The following ZBTB7A variants were observed in gnomAD, a reference collection of about 807,000 sequenced individuals.
ZBTB7A encodes zinc finger and BTB domain-containing protein 7A.
Under a neutral mutation model 26.7 loss-of-function variants are expected in ZBTB7A, and 7 were observed. That is an observed-to-expected ratio of 0.26 (90% confidence interval 0.15 to 0.49). ZBTB7A has a LOEUF of 0.49. Ranked by LOEUF, ZBTB7A falls within the 20% of genes least tolerant of loss-of-function variation. The probability of loss-of-function intolerance (pLI) is 0.98; values close to 1 mark genes in which losing one functional copy is unlikely to be tolerated. For synonymous variants in ZBTB7A, 452 were observed against 441.0 expected, an observed-to-expected ratio of 1.02 and a Z score of -0.31; for missense variants, 617 against 919.5, an observed-to-expected ratio of 0.67 and a Z score of 4.25.
In ZBTB7A at chr19:4,057,475, G is replaced by A. The variant is rs183241968; in HGVS notation, c.-15-2228C>T. The stretch of plus-strand genomic sequence containing the variant: ...GGGCTTCGGCCGATACAGAGGGGAG[G>A]CCACGCAGTGACCTTTACAAAACAC... On this transcript the variant is annotated intron_variant, in intron 1 of 2. Transcript: ENST00000322357. 6.5e-4 allele frequency among the ~76,000 whole-genome samples: 99 copies of A among 152,242 alleles called. 2 individuals carry two copies. The East Asian group carries it at 0.013, about 19-fold the overall frequency.
intron 1 of ZBTB7A, 40 bp from the exon 2 acceptor site, chr19:4,055,287 G>A (rs1371514734): frequency 1.4e-6 from 2 of 1,436,512 alleles, no homozygotes; most frequent in Non-Finnish European, 1.8e-6. Context: ...GTGAGTGGGG[G>A]TGCGGGGGTT....
At chr19:4,057,538 C>T (rs2040593323) in intron 1 of ZBTB7A, among the ~76,000 whole-genome samples, 2 of 151,968 alleles carry the variant, frequency 1.3e-5, no homozygotes, top group Non-Finnish European at 2.9e-5. Context: ...GCCGGTAATC[C>T]CAGCACTTTG....
intron 1 of ZBTB7A, among the ~76,000 whole-genome samples, chr19:4,057,063 A>T (rs988379148): frequency 6.6e-6 from 1 of 150,770 alleles, no homozygotes; most frequent in Admixed American, 6.6e-5. Flanking sequence ...AGAAAAAAAA[A>T]AAGGGCTGGG....
rs571816513 is a variant in ZBTB7A at position 4,058,469 on chromosome 19, A to ACTCATCCAAGC, written c.-15-3223_-15-3222insGCTTGGATGAG. On this transcript the variant is annotated intron_variant, in intron 1 of 2. Coordinates refer to ENST00000322357, the MANE Select transcript of ZBTB7A (RefSeq NM_015898.4). Reference sequence around the variant, plus strand: ...TTTTTCCGCCTTCCCCTCGGCTGTGACTCATCCACCCACTCGGAGCTTGTG... The same window carrying ACTCATCCAAGC: ...TTTTTCCGCCTTCCCCTCGGCTGTGACTCATCCAAGCCTCATCCACCCACTCGGAGCTTGTG... Among the ~76,000 whole-genome samples, 8 of 149,464 alleles carry ACTCATCCAAGC rather than the reference A, an allele frequency of 5.4e-5. No individual in the cohort carries two copies. The East Asian group carries it at 1.6e-3, about 30-fold the overall frequency.
rs551597239 is a variant in ZBTB7A, at chr19:4,048,976, CAAA to C, written c.1263-735_1263-733del. 4.0e-5 allele frequency among the ~76,000 whole-genome samples: 4 copies of C among 100,404 alleles called. No homozygotes were observed. The highest frequency in any genetic ancestry group is 3.4e-5 in the African/African-American group (1 of 29,006). The allele number at this position is 100,404 out of a possible 152,430, so 65.9% of individuals were successfully genotyped here. On this transcript the variant is annotated intron_variant, in intron 2 of 2. Coordinates refer to ENST00000322357, the MANE Select transcript of ZBTB7A (RefSeq NM_015898.4). The surrounding 1 kb of genome is among the most constrained non-coding windows in gnomAD (Gnocchi z 6.7). ...CTCGGTGACAGAATGAGACTGTCTCCAAAAAAAAAAAAAAAGAGAGGCAGGGTC... is the reference window on the plus strand; with the variant it reads ...CTCGGTGACAGAATGAGACTGTCTCCAAAAAAAAAAAAGAGAGGCAGGGTC...
intron 2 of ZBTB7A, among the ~76,000 whole-genome samples, chr19:4,050,415 TTG>T (rs2040489860): frequency 6.6e-6 from 1 of 152,188 alleles, no homozygotes. Flanking sequence ...CCTGATTGGA[TTG>T]TGAGCCCCGA....
chr19:4,048,259 C>T lies in ZBTB7A; in HGVS notation c.1263-15G>A, dbSNP rs763863211. 4.4e-6 allele frequency: 7 copies of T among 1,573,760 alleles called. No homozygotes were observed. The highest frequency in any genetic ancestry group is 1.1e-5 in the South Asian group (1 of 87,576). Reference sequence around the variant, plus strand: ...GCTTGTCCTGCCTGTGGACGGGGCACGGGGCGGGCACGGTCAGTGGGGCCG... The same window carrying T: ...GCTTGTCCTGCCTGTGGACGGGGCATGGGGCGGGCACGGTCAGTGGGGCCG... On this transcript the variant is annotated splice_polypyrimidine_tract_variant and intron_variant, in intron 2 of 2. Transcript: ENST00000322357. This position sits in a 1 kb window ranked among gnomAD's most constrained non-coding sequence, Gnocchi z 6.7.
At chr19:4,051,953 G>A (rs997293902) in intron 2 of ZBTB7A, among the ~76,000 whole-genome samples, 13 of 152,216 alleles carry the variant, frequency 8.5e-5, no homozygotes, top group South Asian at 8.3e-4. Context: ...CTTACTCAAC[G>A]CCCTGCTGTG....
chr19:4,055,321 G>A (rs1599257173), intron 1 of ZBTB7A, 74 bp from the exon 2 acceptor site: 6 of 1,422,046 alleles, frequency 4.2e-6, no homozygotes, highest in South Asian at 3.0e-5. Context: ...ACAAGGGCCC[G>A]AGGCCCTTGA....
rs1276788342 is a variant in ZBTB7A, at chr19:4,047,967, C to T, written c.1540G>A (p.Ala514Thr). The T allele has an allele frequency of 8.0e-6, 10 of 1,245,486 alleles. No homozygotes were observed. Among genetic ancestry groups the T allele is most frequent in the Non-Finnish European group, 1.0e-5 (10 of 983,544 alleles). The allele number at this position is 1,245,486 out of a possible 1,614,324, so 77.2% of individuals were successfully genotyped here. A position where few individuals can be genotyped will look rare whatever the true frequency, so the allele number is the denominator to read the frequency against. ...GCGGGGGCGCCGGGGGTCGCGGTGG[C>T]CCCCGGGCTGGGGTCGGGCGCCCCG... ...RGGAPDPSPG[A>T]TATPGAPAQP... The change falls in exon 3 of 3, where the codon GCC (alanine) becomes ACC (threonine). Residue 514 changes from alanine to threonine, a missense_variant. Physicochemically the swap from Ala to Thr is moderately conservative, Grantham distance 58. Coordinates refer to ENST00000322357, the MANE Select transcript of ZBTB7A (RefSeq NM_015898.4).
chr19:4,054,649 A>T lies in ZBTB7A; in HGVS notation c.584T>A (p.Leu195Gln). Residue 195 changes from leucine to glutamine, a missense_variant, in exon 2 of 3, where the codon CTG (leucine) becomes CAG (glutamine). This residue lies in a region of ZBTB7A where 331 missense variants were observed against 391.3 expected (regional missense o/e 0.85). Coordinates refer to ENST00000322357, the MANE Select transcript of ZBTB7A (RefSeq NM_015898.4). ...WSAFGASDDDLDATKEAVAAA... is the reference protein window; with the variant it reads ...WSAFGASDDDQDATKEAVAAA... Reference sequence around the variant, plus strand: ...GGCCACGGCCTCCTTGGTGGCATCCAGGTCATCATCGGACGCCCCAAAGGC... The same window carrying T: ...GGCCACGGCCTCCTTGGTGGCATCCTGGTCATCATCGGACGCCCCAAAGGC... 2 of 1,597,940 alleles carry T rather than the reference A, an allele frequency of 1.3e-6. No homozygotes were observed. The highest frequency in any genetic ancestry group is 1.7e-6 in the Non-Finnish European group (2 of 1,173,422).
intron 2 of ZBTB7A, among the ~76,000 whole-genome samples, chr19:4,049,166 G>GTGTGTGTA (rs1599249273): frequency 7.4e-5 from 1 of 13,476 alleles, no homozygotes; most frequent in Non-Finnish European, 1.5e-4. Context: ...GTGTGTGTGT[G>GTGTGTGTA]TGTATATATA....
At chr19:4,061,935 C>G (rs745392662) in intron 1 of ZBTB7A, 1 of 152,274 alleles carries the variant, frequency 6.6e-6, no homozygotes, top group Non-Finnish European at 1.5e-5. Flanking sequence ...GCCAGACTCT[C>G]GGAAGCCCAT....
At chr19:4,064,432 G>A (rs1463623770) in intron 1 of ZBTB7A, among the ~76,000 whole-genome samples, 1 of 152,158 alleles carries the variant, frequency 6.6e-6, no homozygotes, top group Non-Finnish European at 1.5e-5. Context: ...GGTGGCCCTC[G>A]CGGACAAACG....
chr19:4,062,655 C>G (rs921641107), intron 1 of ZBTB7A: 1 of 152,202 alleles, frequency 6.6e-6, no homozygotes, highest in East Asian at 1.9e-4. Flanking sequence ...TCCCCCTACC[C>G]TGGGGGCTGA....
rs200166095 is a variant in ZBTB7A, at chr19:4,047,930, G to T, written c.1577C>A (p.Ser526Tyr). ...ATPGAPAQPSSPDARRNGQEK... is the reference protein window; with the variant it reads ...ATPGAPAQPSYPDARRNGQEK... The stretch of plus-strand genomic sequence containing the variant: ...CTGGCCGTTGCGCCGGGCGTCGGGG[G>T]AGCTGGGCTGGGCGGGGGCGCCGGG... Residue 526 changes from serine to tyrosine, a missense_variant, in exon 3 of 3, where the codon TCC (serine) becomes TAC (tyrosine). Transcript: ENST00000322357. 6 of 1,485,538 alleles carry T rather than the reference G, an allele frequency of 4.0e-6. No homozygotes were observed. The highest frequency in any genetic ancestry group is 4.5e-5 in the Admixed American group (2 of 44,706). The allele number at this position is 1,485,538 out of a possible 1,614,324, so 92.0% of individuals were successfully genotyped here.
At chr19:4,066,013 A>T (rs991344895) in intron 1 of ZBTB7A, among the ~76,000 whole-genome samples, 15 of 115,554 alleles carry the variant, frequency 1.3e-4, no homozygotes, top group African/African-American at 4.9e-4. Context: ...CCCTACCCGC[A>T]GGCCGCGGCG....
rs749178819 is a variant in ZBTB7A, at chr19:4,048,094, G to A, written c.1413C>T (p.Cys471=). The change falls in exon 3 of 3, where the codon TGC becomes TGT. Residue 471 remains cysteine (C), a synonymous_variant. Coordinates refer to ENST00000322357, the MANE Select transcript of ZBTB7A (RefSeq NM_015898.4). This position sits in a 1 kb window ranked among gnomAD's most constrained non-coding sequence, Gnocchi z 6.7. ...TGLRPYQCDS[C]CKTFVRSDHL... ...GGTCGGAGCGGACGAAGGTCTTGCAGCAGCTGTCGCACTGGTAGGGGCGCA... is the reference window on the plus strand; with the variant it reads ...GGTCGGAGCGGACGAAGGTCTTGCAACAGCTGTCGCACTGGTAGGGGCGCA... The A allele has an allele frequency of 6.2e-7, 1 of 1,609,878 alleles. No homozygotes were observed. The highest frequency in any genetic ancestry group is 8.5e-7 in the Non-Finnish European group (1 of 1,178,678).
rs1296319999 is a variant in ZBTB7A, at chr19:4,054,614, C to T, written c.619G>A (p.Ala207Thr). Reference sequence around the variant, plus strand: ...TTGCAGTCGCCCGCGGCCACGGCGGCCACAGCGGCGGCCACGGCCTCCTTG... The same window carrying T: ...TTGCAGTCGCCCGCGGCCACGGCGGTCACAGCGGCGGCCACGGCCTCCTTG... ...ATKEAVAAAV[A>T]AVAAGDCNGL... Residue 207 changes from alanine (A) to threonine (T), a missense_variant, in exon 2 of 3, where the codon GCC (alanine) becomes ACC (threonine). This residue lies in a region of ZBTB7A where 331 missense variants were observed against 391.3 expected (regional missense o/e 0.85). Coordinates refer to ENST00000322357, the MANE Select transcript of ZBTB7A (RefSeq NM_015898.4). 1 of 1,587,960 alleles carries T rather than the reference C, an allele frequency of 6.3e-7. No homozygotes were observed. The highest frequency in any genetic ancestry group is 1.3e-5 in the African/African-American group (1 of 74,350).
Sources: gnomAD v4.1 joint callset for allele counts (sites outside exome capture counted in the v4.1 genomes callset) on GRCh38, gnomAD v4.1.1 for gene constraint, gnomAD v4.1.1 regional missense constraint, Gnocchi (gnomAD v3.1) non-coding constraint, MANE v1.5 for transcripts, NCBI Gene and HGNC (gene_info 2026-07-23, HGNC 2026-07-21) for gene names.